ADAMTSL1: variants seen among roughly 807,000 people sequenced by gnomAD.
ADAMTSL1 encodes ADAMTS like 1.
ADAMTSL1 carries 126 observed loss-of-function variants against 201.8 expected under a neutral mutation model. The observed-to-expected ratio is 0.62, with a 90% CI of 0.54 to 0.72. The LOEUF is 0.72. Ranked by LOEUF, ADAMTSL1 falls within the 30% of genes least tolerant of loss-of-function variation. The pLI is 0.00. For missense variants in ADAMTSL1, 2,679 were observed against 2,277.8 expected, an observed-to-expected ratio of 1.18 and a Z score of -3.59; for synonymous variants, 1,121 against 903.4, an observed-to-expected ratio of 1.24 and a Z score of -4.32.
intron 2 of ADAMTSL1, among the ~76,000 whole-genome samples, chr9:18,320,201 T>C (rs1433211789): frequency 6.6e-6 from 1 of 152,212 alleles, no homozygotes; most frequent in Non-Finnish European, 1.5e-5. Context: ...ATTTTCACCA[T>C]GTGAGTTGCT....
rs750589078 is a variant in ADAMTSL1, at chr9:18,906,853, G to A, written c.5123G>A (p.Cys1708Tyr). The A allele has an allele frequency of 1.2e-6, 2 of 1,613,892 alleles. No homozygotes were observed. Among genetic ancestry groups the A allele is most frequent in the East Asian group, 4.5e-5 (2 of 44,886 alleles). ...RTNKAVPEHL[C>Y]SWGPRPANWQ... is the part of the protein sequence containing the mutation. ...AACAAGGCAGTGCCTGAGCACCTGT[G>A]CTCCTGGGGGCCCCGGCCTGCCAAC... The change falls in exon 28 of 29, where the codon TGC becomes TAC. Residue 1708 changes from cysteine (C) to tyrosine (Y), a missense_variant. Cys to Tyr is a radical substitution (Grantham distance 194, BLOSUM62 -2). Transcript: ENST00000380548.
chr9:18,734,428 A>G (rs981108128), intron 15 of ADAMTSL1, among the ~76,000 whole-genome samples: 1 of 152,120 alleles, frequency 6.6e-6, no homozygotes, highest in Non-Finnish European at 1.5e-5. Context: ...ATTTGCTCTA[A>G]TCCTTGGGAG....
In ADAMTSL1 at chr9:18,855,147, G is replaced by A. The variant is rs559739737; in HGVS notation, c.4249+25170G>A. Among the ~76,000 whole-genome samples the A allele has an allele frequency of 5.9e-5, 9 of 152,242 alleles. No individual in the cohort carries two copies. The South Asian group carries it at 1.9e-3, about 32-fold the overall frequency. On this transcript the variant is annotated intron_variant, in intron 23 of 28. Coordinates refer to ENST00000380548, the MANE Select transcript of ADAMTSL1 (RefSeq NM_001040272.6). ...CCATTCCACAGAGCCTCAGAAACAC[G>A]AGGCTAACAGCTTGGAAAACAACTT... is the stretch of plus-strand genomic sequence containing the variant.
intron 8 of ADAMTSL1, 126 bp downstream of exon 8, chr9:18,657,876 A>G (rs1828802145): frequency 1.4e-6 from 1 of 731,420 alleles, no homozygotes; most frequent in South Asian, 1.8e-5. Context: ...CTTTCTTCTG[A>G]ACAGAGTGGA....
At chr9:18,390,949 T>C (rs1838020924) in intron 2 of ADAMTSL1, among the ~76,000 whole-genome samples, 2 of 152,122 alleles carry the variant, frequency 1.3e-5, no homozygotes, top group South Asian at 2.1e-4. Flanking sequence ...ACGGAGGTGT[T>C]AATTTGTTTA....
intron 1 of ADAMTSL1, among the ~76,000 whole-genome samples, chr9:18,486,565 C>T (rs953825299): frequency 6.6e-6 from 1 of 152,034 alleles, no homozygotes; most frequent in Non-Finnish European, 1.5e-5. Flanking sequence ...ATTGGACAGG[C>T]ATGGTAGTGC....
At chr9:18,680,742 G>T (rs944136732) in intron 11 of ADAMTSL1, 42 of 541,810 alleles carry the variant, frequency 7.8e-5, no homozygotes, top group Non-Finnish European at 6.6e-6. Context: ...AGCCTCTATT[G>T]TTCCCCAGAT....
intron 3 of ADAMTSL1, 109 bp downstream of exon 3, chr9:18,533,401 A>C: frequency 1.2e-6 from 1 of 818,474 alleles, no homozygotes; most frequent in Admixed American, 2.6e-5. Flanking sequence ...TTTCACTGAG[A>C]GTTTTTATCT....
rs145815784 is a variant in ADAMTSL1 at position 18,335,072 on chromosome 9, A to G, written c.208-169757A>G. ...TAACTTGAAGGTTACGTAAGGCATT[A>G]TGAAACTACACCAGCATCTTAGTGT... is the stretch of plus-strand genomic sequence containing the variant. On this transcript the variant is annotated intron_variant, in intron 2 of 29. Coordinates refer to the ADAMTSL1 transcript ENST00000680146. Among the ~76,000 whole-genome samples, 120 of 152,292 alleles carry G rather than the reference A, an allele frequency of 7.9e-4. No homozygotes were observed. In the East Asian group the frequency reaches 0.015, roughly 19 times the overall value.
At chr9:18,201,017 A>G (rs1271848140) in intron 2 of ADAMTSL1, among the ~76,000 whole-genome samples, 1 of 152,018 alleles carries the variant, frequency 6.6e-6, no homozygotes, top group East Asian at 1.9e-4. Context: ...AACAGTGAGG[A>G]ATGGTATCAA....
rs140023320 is a variant in ADAMTSL1, at chr9:18,035,786, A to G, written c.88-128076A>G. On this transcript the variant is annotated intron_variant, in intron 1 of 29. Transcript: ENST00000680146. ...TCTCATTGACTATTTCGTTATTACAATATACCCAGAATGATGCTGTAGTAG... is the reference window on the plus strand; with the variant it reads ...TCTCATTGACTATTTCGTTATTACAGTATACCCAGAATGATGCTGTAGTAG... 9.3e-4 allele frequency among the ~76,000 whole-genome samples: 141 copies of G among 152,308 alleles called. 1 individual carries two copies. The highest frequency in any genetic ancestry group is 3.3e-3 in the African/African-American group (139 of 41,576).
chr9:18,602,439 C>A (rs556070663), intron 4 of ADAMTSL1, among the ~76,000 whole-genome samples: 1 of 152,146 alleles, frequency 6.6e-6, no homozygotes, highest in Non-Finnish European at 1.5e-5. Context: ...TGGTTTGCAG[C>A]GTAGAGGAAT....
At chr9:18,532,438 A>T (rs973721890) in intron 2 of ADAMTSL1, among the ~76,000 whole-genome samples, 8 of 152,202 alleles carry the variant, frequency 5.3e-5, no homozygotes, top group Admixed American at 5.2e-4. Context: ...ATCATTTATC[A>T]AACACCAAAG....
chr9:18,711,647 C>G (rs1391685241), intron 14 of ADAMTSL1, among the ~76,000 whole-genome samples: 1 of 152,204 alleles, frequency 6.6e-6, no homozygotes, highest in Non-Finnish European at 1.5e-5. Flanking sequence ...GATCAAACTG[C>G]AAGGTGGCAG....
At chr9:18,571,881 A>T (rs914920465) in intron 3 of ADAMTSL1, among the ~76,000 whole-genome samples, 2 of 152,268 alleles carry the variant, frequency 1.3e-5, no homozygotes, top group East Asian at 3.9e-4. Flanking sequence ...GTCTGAAAGG[A>T]GCTTGTGTTA....
intron 1 of ADAMTSL1, among the ~76,000 whole-genome samples, chr9:18,093,515 G>C (rs1340127916): frequency 6.6e-6 from 1 of 152,032 alleles, no homozygotes; most frequent in East Asian, 1.9e-4. Flanking sequence ...TATTCTTTTA[G>C]GTTTATGAAA....
chr9:18,406,289 T>TTTTCTTTTCTTTTCTTTTC (rs1818190417), intron 2 of ADAMTSL1, among the ~76,000 whole-genome samples: 76 of 117,438 alleles, frequency 6.5e-4, no homozygotes, highest in African/African-American at 2.6e-3. Context: ...ATAAGACAGT[T>TTTTCTTTTCTTTTCTTTTC]TTTTCTTTTC....
intron 4 of ADAMTSL1, among the ~76,000 whole-genome samples, chr9:18,599,400 G>T (rs1824481817): frequency 6.6e-6 from 1 of 152,154 alleles, no homozygotes; most frequent in South Asian, 2.1e-4. Context: ...TTGAAGGGGT[G>T]GGTGCTTAGG....
At chr9:18,591,753 T>A (rs908991727) in intron 4 of ADAMTSL1, among the ~76,000 whole-genome samples, 1 of 152,222 alleles carries the variant, frequency 6.6e-6, no homozygotes, top group African/African-American at 2.4e-5. Flanking sequence ...CAGTACATTT[T>A]GGCCAATGAG....
Sources: gnomAD v4.1 joint callset for allele counts (sites outside exome capture counted in the v4.1 genomes callset) on GRCh38, gnomAD v4.1.1 for gene constraint, MANE v1.5 for transcripts, NCBI Gene and HGNC (gene_info 2026-07-23, HGNC 2026-07-21) for gene names.